The following MPHOSPH8 variants were observed in gnomAD, a reference collection of about 807,000 sequenced individuals.
MPHOSPH8 encodes M-phase phosphoprotein, mpp.
Under a neutral mutation model 87.3 loss-of-function variants are expected in MPHOSPH8, and 45 were observed. That is an observed-to-expected ratio of 0.52 (90% CI 0.41 to 0.66). The LOEUF (loss-of-function observed/expected upper bound fraction) is 0.66. Among genes scored for constraint, MPHOSPH8 ranks in the 30% least tolerant of loss-of-function variants. The probability of loss-of-function intolerance (pLI) is 0.00; values close to 1 mark genes in which losing one functional copy is unlikely to be tolerated. For missense variants in MPHOSPH8, 883 were observed against 1,020.2 expected (o/e 0.87, Z 1.83); for synonymous variants, 366 against 376.9 (o/e 0.97, Z 0.33).
chr13:19,658,461 G>A (rs924408691), intron 5 of MPHOSPH8, among the ~76,000 whole-genome samples: 1 of 74,654 alleles, frequency 1.3e-5, no homozygotes, highest in Non-Finnish European at 3.1e-5. Context: ...GAAGACTCTA[G>A]CAATACCTCA....
chr13:19,656,994 C>T (rs752452249), intron 5 of MPHOSPH8, among the ~76,000 whole-genome samples: 12 of 146,328 alleles, frequency 8.2e-5, no homozygotes, highest in Non-Finnish European at 1.8e-4. Context: ...TGGTGGCATA[C>T]GCCTGTGGTC....
chr13:19,661,815 G>GC lies in MPHOSPH8; in HGVS notation c.1912dup (p.Leu638ProfsTer31). ...CGGTCGGCAGAAGAACGGGACCACCGCCCTCATTCATGCTGCAGAGAAGGT... is the reference window on the plus strand; with the variant it reads ...CGGTCGGCAGAAGAACGGGACCACCGCCCCTCATTCATGCTGCAGAGAAGGT... On this transcript the variant is annotated frameshift_variant, in exon 8 of 14. Coordinates refer to ENST00000361479, the MANE Select transcript of MPHOSPH8 (RefSeq NM_017520.4). LOFTEE classifies it high-confidence loss of function. 6.2e-7 allele frequency: 1 copy of GC among 1,611,754 alleles called. No homozygotes were observed. Among genetic ancestry groups the GC allele is most frequent in the Non-Finnish European group, 8.5e-7 (1 of 1,178,754 alleles).
chr13:19,643,407 G>C (rs1190589706), intron 2 of MPHOSPH8, among the ~76,000 whole-genome samples: 1 of 152,000 alleles, frequency 6.6e-6, no homozygotes, highest in Non-Finnish European at 1.5e-5. Flanking sequence ...CACCAGGCCT[G>C]GCTAATTTTT....
intron 5 of MPHOSPH8, among the ~76,000 whole-genome samples, chr13:19,652,117 C>T (rs550329633): frequency 2.5e-4 from 38 of 152,166 alleles, no homozygotes; most frequent in Admixed American, 3.9e-4. Context: ...AAAAAAAGAA[C>T]ATGAAATACG....
intron 10 of MPHOSPH8, among the ~76,000 whole-genome samples, chr13:19,667,620 C>A (rs1466586155): frequency 6.6e-6 from 1 of 152,044 alleles, no homozygotes; most frequent in Non-Finnish European, 1.5e-5. Flanking sequence ...TTGGTCTTTG[C>A]AGGTTGGCCT....
At position 19,648,463 on chromosome 13, in the gene MPHOSPH8, GA is replaced by G; in HGVS notation, c.1264del (p.Arg422GlyfsTer17). On this transcript the variant is annotated frameshift_variant, in exon 4 of 14. Coordinates refer to ENST00000361479, the MANE Select transcript of MPHOSPH8 (RefSeq NM_017520.4). LOFTEE classifies it high-confidence loss of function. ...KRNESKEKYQ[K>X]RHDSDKEEKG... is the part of the protein sequence containing the mutation. ...GAAATGAATCCAAAGAAAAATATCA[GA>G]AAAGGCATGATTCTGACAAGGAAGA... The G allele has an allele frequency of 6.3e-7, 1 of 1,587,084 alleles. No individual in the cohort carries two copies. The highest frequency in any genetic ancestry group is 8.6e-7 in the Non-Finnish European group (1 of 1,167,980).
chr13:19,671,381 G>C (rs1172531832), intron 13 of MPHOSPH8, 92 bp downstream of exon 13: 5 of 1,155,348 alleles, frequency 4.3e-6, no homozygotes, highest in East Asian at 5.0e-5. Context: ...CAAGAATCCT[G>C]GTGTACCTGT....
rs557988582 is a variant in MPHOSPH8, at chr13:19,665,510, A to G, written c.2020-915A>G. The stretch of plus-strand genomic sequence containing the variant: ...TCGCTCTGTCCCGAGCCTGTCCTGG[A>G]CGGCGTCCCTAACCTCTGCACTGGA... On this transcript the variant is annotated intron_variant, in intron 9 of 13. Coordinates refer to ENST00000361479, the MANE Select transcript of MPHOSPH8 (RefSeq NM_017520.4). Among the ~76,000 whole-genome samples, 191 of 119,362 alleles carry G rather than the reference A, an allele frequency of 1.6e-3. 1 individual carries two copies. The highest frequency in any genetic ancestry group is 7.6e-3 in the South Asian group (31 of 4,080). The allele number at this position is 119,362 out of a possible 152,430, so 78.3% of individuals were successfully genotyped here.
intron 7 of MPHOSPH8, chr13:19,659,549 A>G: frequency 2.5e-6 from 1 of 404,148 alleles, no homozygotes; most frequent in Admixed American, 3.7e-5. Context: ...CTTTGGTCCC[A>G]GTTACTTGGG....
rs190888227 is a variant in MPHOSPH8, at chr13:19,638,611, A to G, written c.214-3504A>G. On this transcript the variant is annotated intron_variant, in intron 1 of 13. Coordinates refer to ENST00000361479, the MANE Select transcript of MPHOSPH8 (RefSeq NM_017520.4). ...CTGACAGAGCAAGACTCTGTCTCAAAAAAAAAAAAAGTTAAGATTTTGAAT... is the reference window on the plus strand; with the variant it reads ...CTGACAGAGCAAGACTCTGTCTCAAGAAAAAAAAAAGTTAAGATTTTGAAT... 6.6e-5 allele frequency among the ~76,000 whole-genome samples: 10 copies of G among 151,766 alleles called. No individual in the cohort carries two copies. The East Asian group carries it at 1.9e-3, about 29-fold the overall frequency.
chr13:19,663,119 T>C lies in MPHOSPH8; in HGVS notation c.2012T>C (p.Leu671Pro). ...CAGCAAAGCAATGGTGAGACTGCACTGATGAAGGTAAATCCCTCCTGCAGG... is the reference window on the plus strand; with the variant it reads ...CAGCAAAGCAATGGTGAGACTGCACCGATGAAGGTAAATCCCTCCTGCAGG... ...NVQQSNGETA[L>P]MKACKRGNSD... is the part of the protein sequence containing the mutation. Residue 671 changes from leucine to proline, a missense_variant, in exon 9 of 14, where the codon CTG becomes CCG. Transcript: ENST00000361479. 1 of 1,613,004 alleles carries C rather than the reference T, an allele frequency of 6.2e-7. No individual in the cohort carries two copies. The highest frequency in any genetic ancestry group is 8.5e-7 in the Non-Finnish European group (1 of 1,178,944).
In MPHOSPH8 at chr13:19,671,236, G is replaced by A. The variant is rs1876110456; in HGVS notation, c.2488G>A (p.Val830Ile). ...TCATTTTGTTTACTCATTCAGCCCT[G>A]TTGCAGGTCCCAATAAACTCTTCAT... ...DSHFVYSFSP[V>I]AGPNKLFIRL... The change falls in exon 13 of 14, where the codon GTT (valine) becomes ATT (isoleucine). Residue 830 changes from valine to isoleucine, a missense_variant. Transcript: ENST00000361479. The A allele has an allele frequency of 1.2e-6, 2 of 1,613,798 alleles. No individual in the cohort carries two copies. The highest frequency in any genetic ancestry group is 2.2e-5 in the South Asian group (2 of 91,072).
chr13:19,658,811 A>T (rs1156824306), intron 5 of MPHOSPH8, among the ~76,000 whole-genome samples, 184 bp from the exon 6 acceptor site: 1 of 152,176 alleles, frequency 6.6e-6, no homozygotes, highest in African/African-American at 2.4e-5. Context: ...CTAAATGTGG[A>T]TCGTTCATAT....
In MPHOSPH8 at chr13:19,661,722, A is replaced by T; in HGVS notation, c.1816A>T (p.Met606Leu). Residue 606 changes from methionine (M) to leucine (L), a missense_variant, in exon 8 of 14, where the codon ATG (methionine) becomes TTG (leucine). This residue lies in a region of MPHOSPH8 where 741 missense variants were observed against 841.5 expected (regional missense o/e 0.88). Transcript: ENST00000361479. ...QEDSSGMTLV[M>L]LAAAGGQDDL... ...GGATTCCAGTGGAATGACACTGGTGATGCTTGCCGCCGCCGGAGGGCAGGA... is the reference window on the plus strand; with the variant it reads ...GGATTCCAGTGGAATGACACTGGTGTTGCTTGCCGCCGCCGGAGGGCAGGA... 6.2e-7 allele frequency: 1 copy of T among 1,609,764 alleles called. No homozygotes were observed. The highest frequency in any genetic ancestry group is 8.5e-7 in the Non-Finnish European group (1 of 1,177,036).
In MPHOSPH8 at chr13:19,668,536, G is replaced by A; in HGVS notation, c.2329+5G>A. ...CCCCACAGAACATACCAGAAGGTAA[G>A]CCGATGCCTCCCTTCACACTTTTCT... is the stretch of plus-strand genomic sequence containing the variant. On this transcript the variant is annotated splice_donor_5th_base_variant and intron_variant, in intron 11 of 13. Transcript: ENST00000361479. The A allele has an allele frequency of 6.2e-7, 1 of 1,611,350 alleles. No homozygotes were observed. Among genetic ancestry groups the A allele is most frequent in the Non-Finnish European group, 8.5e-7 (1 of 1,178,900 alleles).
At chr13:19,647,323 T>C (rs1729582299) in intron 3 of MPHOSPH8, 32 bp downstream of exon 3, 9 of 1,535,030 alleles carry the variant, frequency 5.9e-6, no homozygotes, top group Non-Finnish European at 7.0e-6. Context: ...AGAAAACCCA[T>C]GTTGAGTGGT....
intron 1 of MPHOSPH8, among the ~76,000 whole-genome samples, chr13:19,634,710 A>G (rs1012308464): frequency 6.6e-6 from 1 of 152,114 alleles, no homozygotes; most frequent in Non-Finnish European, 1.5e-5. Context: ...ATTGACCTCT[A>G]TGAAGGCATT....
chr13:19,646,983 A>T lies in MPHOSPH8; in HGVS notation c.910A>T (p.Met304Leu). The T allele has an allele frequency of 1.3e-6, 2 of 1,594,124 alleles. No individual in the cohort carries two copies. Among genetic ancestry groups the T allele is most frequent in the Non-Finnish European group, 1.7e-6 (2 of 1,174,840 alleles). ...KSARERAGQD[M>L]GLEHGFEKPL... Reference sequence around the variant, plus strand: ...TGCAAGAGAGAGAGCAGGGCAGGACATGGGGCTGGAGCATGGCTTTGAGAA... The same window carrying T: ...TGCAAGAGAGAGAGCAGGGCAGGACTTGGGGCTGGAGCATGGCTTTGAGAA... The change falls in exon 3 of 14, where the codon ATG (methionine) becomes TTG (leucine). Residue 304 changes from methionine to leucine, a missense_variant. Around this residue, in one of 3 missense-constraint regions of MPHOSPH8, gnomAD observed 741 missense variants for 841.5 expected, o/e 0.88. Transcript: ENST00000361479.
rs537794309 is a variant in MPHOSPH8, at chr13:19,654,488, T to C, written c.1576+4228T>C. On this transcript the variant is annotated intron_variant, in intron 5 of 13. Coordinates refer to ENST00000361479, the MANE Select transcript of MPHOSPH8 (RefSeq NM_017520.4). ...ACTTATAGTAATAAAAAAAAGAACGTGGAATAATAAAAACAGCCTCATAAA... is the reference window on the plus strand; with the variant it reads ...ACTTATAGTAATAAAAAAAAGAACGCGGAATAATAAAAACAGCCTCATAAA... 2.0e-5 allele frequency among the ~76,000 whole-genome samples: 3 copies of C among 152,042 alleles called. No individual in the cohort carries two copies. In the East Asian group the frequency reaches 5.8e-4, roughly 29 times the overall value.
Sources: gnomAD v4.1 joint callset for allele counts (sites outside exome capture counted in the v4.1 genomes callset) on GRCh38, gnomAD v4.1.1 for gene constraint, gnomAD v4.1.1 regional missense constraint, MANE v1.5 for transcripts, NCBI Gene and HGNC (gene_info 2026-07-23, HGNC 2026-07-21) for gene names.